The following SLIT3 variants were observed in gnomAD, a reference collection of about 807,000 sequenced individuals.
SLIT3 encodes the protein slit homolog 3 protein.
In SLIT3, 68 loss-of-function variants were observed where a neutral mutation model predicts 184.0. The observed-to-expected ratio is 0.37, with a 90% CI of 0.30 to 0.45. SLIT3 has a LOEUF of 0.45. SLIT3 is among the 20% of genes least tolerant of loss of function. SLIT3 has a pLI of 1.00. For missense variants in SLIT3, 1,707 were observed against 2,026.0 expected (o/e 0.84, Z 3.02); for synonymous variants, 831 against 828.6 (o/e 1.00, Z -0.05).
intron 4 of SLIT3, among the ~76,000 whole-genome samples, chr5:168,929,414 T>C (rs567839906): frequency 1.3e-5 from 2 of 152,370 alleles, no homozygotes; most frequent in African/African-American, 4.8e-5. Context: ...GAGTAGTTGC[T>C]ATCATGACCT....
In SLIT3 at chr5:168,692,591, C is replaced by T. The variant is rs374280200; in HGVS notation, c.3176+16G>A. The T allele has an allele frequency of 4.7e-5, 75 of 1,600,410 alleles. No homozygotes were observed. The highest frequency in any genetic ancestry group is 9.4e-5 in the African/African-American group (7 of 74,660). On this transcript the variant is annotated intron_variant, in intron 29 of 35. Coordinates refer to ENST00000519560, the MANE Select transcript of SLIT3 (RefSeq NM_003062.4). ...TTTCATGGACTCTGTGCTGGGGGCA[C>T]GAAGCCAGGTCTTACCTGAATCCTT...
rs115480788 is a variant in SLIT3 at position 168,777,018 on chromosome 5, T to C, written c.1152-2640A>G. Among the ~76,000 whole-genome samples, 1,211 of 152,068 alleles carry C rather than the reference T, an allele frequency of 8.0e-3. 12 individuals carry two copies. Among genetic ancestry groups the C allele is most frequent in the African/African-American group, 0.027 (1,118 of 41,444 alleles). On this transcript the variant is annotated intron_variant, in intron 12 of 35. Coordinates refer to ENST00000519560, the MANE Select transcript of SLIT3 (RefSeq NM_003062.4). ...CATTTTGCGTCATGCCACATATATGTGTTTTTTCAATCCTCCTCTGTTTTA... is the reference window on the plus strand; with the variant it reads ...CATTTTGCGTCATGCCACATATATGCGTTTTTTCAATCCTCCTCTGTTTTA...
intron 4 of SLIT3, among the ~76,000 whole-genome samples, chr5:169,165,273 T>A (rs1053288993): frequency 6.6e-6 from 1 of 152,206 alleles, no homozygotes. Flanking sequence ...CAGGTGTGTG[T>A]GATGAGTCTT....
At chr5:168,872,140 G>A (rs1336404043) in intron 5 of SLIT3, among the ~76,000 whole-genome samples, 1 of 152,194 alleles carries the variant, frequency 6.6e-6, no homozygotes, top group Admixed American at 6.5e-5. Context: ...AGAAAAAGGA[G>A]ACTCTTATCT....
chr5:168,797,212 C>A (rs1756592933), intron 9 of SLIT3, among the ~76,000 whole-genome samples: 1 of 152,082 alleles, frequency 6.6e-6, no homozygotes, highest in Non-Finnish European at 1.5e-5. Flanking sequence ...CCTGCCTTGC[C>A]TGAGAAGTTC....
Position 168,753,915 on chromosome 5 carries a change from A to G in SLIT3, c.1778T>C (p.Leu593Pro), listed in dbSNP as rs1360049330. The G allele has an allele frequency of 6.2e-7, 1 of 1,612,336 alleles. No individual in the cohort carries two copies. Among genetic ancestry groups the G allele is most frequent in the Non-Finnish European group, 8.5e-7 (1 of 1,180,010 alleles). The change falls in exon 17 of 36, where the codon CTG (leucine) becomes CCG (proline). Residue 593 changes from leucine to proline, a missense_variant. This residue lies in a region of SLIT3 where 1,307 missense variants were observed against 1,511.6 expected (regional missense o/e 0.86). Transcript: ENST00000519560. ...GAACACGCGCCCGTGCACGGTCTCCAGCTGGTTCCCTGTCAGCATCAGCTC... is the reference window on the plus strand; with the variant it reads ...GAACACGCGCCCGTGCACGGTCTCCGGCTGGTTCCCTGTCAGCATCAGCTC... ...VQELMLTGNQ[L>P]ETVHGRVFRG...
At chr5:169,283,790 A>G (rs2113650039) in intron 1 of SLIT3, among the ~76,000 whole-genome samples, 1 of 152,350 alleles carries the variant, frequency 6.6e-6, no homozygotes, top group African/African-American at 2.4e-5. Flanking sequence ...TGGCCACTGA[A>G]TGGCCTCAAA....
intron 6 of SLIT3, among the ~76,000 whole-genome samples, chr5:168,837,095 C>T (rs577638005): frequency 9.9e-5 from 15 of 152,230 alleles, no homozygotes; most frequent in South Asian, 6.2e-4. Flanking sequence ...TTGAGTGGCA[C>T]GAGAGCATTT....
chr5:168,666,909 G>A, intron 35 of SLIT3: 2 of 713,810 alleles, frequency 2.8e-6, no homozygotes, highest in South Asian at 1.6e-5. Flanking sequence ...TAAGCCGTGA[G>A]GATATAATGA....
At chr5:168,694,553 C>G (rs1761996192) in intron 28 of SLIT3, among the ~76,000 whole-genome samples, 1 of 152,182 alleles carries the variant, frequency 6.6e-6, no homozygotes, top group Non-Finnish European at 1.5e-5. Flanking sequence ...GGGGAGGTAA[C>G]CCCTCAGCAG....
rs1177026195 is a variant in SLIT3 at position 168,967,565 on chromosome 5, A to G, written c.414-84229T>C. On this transcript the variant is annotated intron_variant, in intron 4 of 35. Transcript: ENST00000519560. The stretch of plus-strand genomic sequence containing the variant: ...CGCCATTCTCCTGCCTCAGCCTCCC[A>G]AGTAGCTGGGACTACAGGCGCCCGC... 1.5e-4 allele frequency among the ~76,000 whole-genome samples: 21 copies of G among 137,754 alleles called. 1 individual carries two copies. The highest frequency in any genetic ancestry group is 5.5e-4 in the African/African-American group (21 of 37,886). 90.4% of individuals were successfully genotyped at this position (137,754 alleles called of 152,430 possible). A position where few individuals can be genotyped will look rare whatever the true frequency, so the allele number is the denominator to read the frequency against.
At chr5:169,224,307 A>G (rs1384667486) in intron 3 of SLIT3, among the ~76,000 whole-genome samples, 1 of 152,198 alleles carries the variant, frequency 6.6e-6, no homozygotes, top group African/African-American at 2.4e-5. Flanking sequence ...CACCCAGCTT[A>G]CCAACATACT....
chr5:168,731,220 GA>G (rs769052696), intron 20 of SLIT3, among the ~76,000 whole-genome samples: 20 of 151,824 alleles, frequency 1.3e-4, no homozygotes, highest in Non-Finnish European at 2.7e-4. Context: ...GCAACCTCCT[GA>G]AATTGAACCA....
intron 30 of SLIT3, 133 bp from the exon 31 acceptor site, chr5:168,686,060 T>A: frequency 1.9e-6 from 2 of 1,039,718 alleles, no homozygotes; most frequent in Non-Finnish European, 2.6e-6. Context: ...TAGGGGCTAG[T>A]TCCAGCCCTG....
At chr5:168,822,753 G>A (rs1757574684) in intron 7 of SLIT3, among the ~76,000 whole-genome samples, 1 of 152,206 alleles carries the variant, frequency 6.6e-6, no homozygotes, top group Admixed American at 6.5e-5. Context: ...CATCCAGGGA[G>A]CAGGTGAGCA....
At chr5:168,866,195 A>G (rs1759294171) in intron 5 of SLIT3, among the ~76,000 whole-genome samples, 1 of 152,220 alleles carries the variant, frequency 6.6e-6, no homozygotes, top group Non-Finnish European at 1.5e-5. Flanking sequence ...ATTTGCTGAA[A>G]GCCGGGCCAG....
intron 4 of SLIT3, among the ~76,000 whole-genome samples, chr5:168,963,016 A>T (rs1004991110): frequency 3.9e-5 from 6 of 152,104 alleles, no homozygotes; most frequent in Non-Finnish European, 8.8e-5. Context: ...ATGATCATAC[A>T]TGGTCATTAT....
intron 4 of SLIT3, among the ~76,000 whole-genome samples, chr5:169,006,406 T>G (rs1347843845): frequency 2.0e-5 from 3 of 152,120 alleles, no homozygotes; most frequent in Non-Finnish European, 1.5e-5. Context: ...CACGACTCCC[T>G]GTGGAGCCAT....
intron 4 of SLIT3, among the ~76,000 whole-genome samples, chr5:169,098,272 T>C (rs1480820147): frequency 6.6e-6 from 1 of 152,154 alleles, no homozygotes; most frequent in African/African-American, 2.4e-5. Flanking sequence ...GTCATCCCTT[T>C]TAACGAGGAC....
Sources: gnomAD v4.1 joint callset for allele counts (sites outside exome capture counted in the v4.1 genomes callset) on GRCh38, gnomAD v4.1.1 for gene constraint, gnomAD v4.1.1 regional missense constraint, MANE v1.5 for transcripts, NCBI Gene and HGNC (gene_info 2026-07-23, HGNC 2026-07-21) for gene names.